The following DOCK5 variants were observed in gnomAD, a reference collection of about 807,000 sequenced individuals.
The protein encoded by DOCK5 is dedicator of cytokinesis protein 5.
In DOCK5, 142 loss-of-function variants were observed where a neutral mutation model predicts 251.8. The observed-to-expected ratio is 0.56, with a 90% CI of 0.49 to 0.65. DOCK5 has a LOEUF of 0.65. Ranked by LOEUF, DOCK5 falls within the 30% of genes least tolerant of loss-of-function variation. The pLI is 0.00. For missense variants in DOCK5, 2,111 were observed against 2,312.3 expected (o/e 0.91, Z 1.79); for synonymous variants, 842 against 835.5 (o/e 1.01, Z -0.13).
intron 46 of DOCK5, among the ~76,000 whole-genome samples, chr8:25,400,248 C>T (rs1386467999): frequency 1.3e-5 from 2 of 152,102 alleles, no homozygotes; most frequent in Non-Finnish European, 2.9e-5. Flanking sequence ...CCTGTAATCC[C>T]AGCACTTTGG....
At chr8:25,228,981 A>T (rs1297822390) in intron 1 of DOCK5, among the ~76,000 whole-genome samples, 8 of 151,886 alleles carry the variant, frequency 5.3e-5, no homozygotes, top group Non-Finnish European at 8.8e-5. Flanking sequence ...CTGTAATCCC[A>T]GCACTCGGGG....
At chr8:25,230,931 C>A (rs1563316976) in intron 1 of DOCK5, among the ~76,000 whole-genome samples, 2 of 152,094 alleles carry the variant, frequency 1.3e-5, no homozygotes, top group African/African-American at 4.8e-5. Flanking sequence ...ACCTACATAT[C>A]CCTGTCAAAT....
At chr8:25,275,576 T>G in intron 4 of DOCK5, 135 bp downstream of exon 4, 1 of 851,092 alleles carries the variant, frequency 1.2e-6, no homozygotes, top group Non-Finnish European at 1.8e-6. Flanking sequence ...GGCTCACGCC[T>G]GTAATCCCAG....
intron 5 of DOCK5, among the ~76,000 whole-genome samples, chr8:25,286,437 C>A (rs1039042568): frequency 6.6e-6 from 1 of 152,026 alleles, no homozygotes; most frequent in African/African-American, 2.4e-5. Flanking sequence ...TGTGAGTTTA[C>A]CCTAGAGGGA....
chr8:25,230,098 A>G (rs968936432), intron 1 of DOCK5, among the ~76,000 whole-genome samples: 8 of 152,340 alleles, frequency 5.3e-5, no homozygotes, highest in African/African-American at 1.7e-4. Flanking sequence ...AGCTGGTGTG[A>G]TTAAATATTA....
chr8:25,255,663 A>G (rs1370512331), intron 2 of DOCK5, among the ~76,000 whole-genome samples: 3 of 152,186 alleles, frequency 2.0e-5, no homozygotes, highest in Non-Finnish European at 2.9e-5. Flanking sequence ...GTGGACCCCA[A>G]TGTAACCTAT....
intron 2 of DOCK5, 67 bp downstream of exon 2, chr8:25,243,824 G>A (rs1803024450): frequency 1.4e-6 from 2 of 1,456,404 alleles, no homozygotes; most frequent in Admixed American, 1.9e-5. Context: ...TTATTAAAAA[G>A]GCACTTAGAG....
chr8:25,279,729 C>T (rs1320109758), intron 5 of DOCK5, among the ~76,000 whole-genome samples: 2 of 152,114 alleles, frequency 1.3e-5, no homozygotes, highest in African/African-American at 2.4e-5. Context: ...GCAATTCTGC[C>T]TCAGCCTCCC....
At position 25,368,621 on chromosome 8, in the gene DOCK5, G is replaced by A. The variant is rs773508394; in HGVS notation, c.3334G>A (p.Val1112Ile). The A allele has an allele frequency of 1.9e-6, 3 of 1,613,448 alleles. No homozygotes were observed. The Admixed American group carries it at 5.0e-5, about 27-fold the overall frequency. Residue 1112 changes from valine to isoleucine, a missense_variant, in exon 33 of 52, where the codon GTC (valine) becomes ATC (isoleucine). Val to Ile is a conservative substitution (Grantham distance 29). Transcript: ENST00000276440. ...ATCCATGGTGGGTCCCATTCTGGAG[G>A]TCACTCTGACCCCTGAAGTAGAGCT... Reference protein sequence around the residue: ...IPSMVGPILEVTLTPEVELRK... With the variant: ...IPSMVGPILEITLTPEVELRK...
At chr8:25,272,862 A>G (rs763086995) in intron 3 of DOCK5, among the ~76,000 whole-genome samples, 1 of 151,954 alleles carries the variant, frequency 6.6e-6, no homozygotes, top group African/African-American at 2.4e-5. Flanking sequence ...CTAACTTCCT[A>G]TTGTTCCCTA....
chr8:25,391,717 G>A (rs1801262512), intron 42 of DOCK5, among the ~76,000 whole-genome samples, 179 bp from the exon 43 acceptor site: 1 of 152,186 alleles, frequency 6.6e-6, no homozygotes, highest in Admixed American at 6.5e-5. Context: ...AAAGTAAGGT[G>A]TGAAATAAAA....
At chr8:25,271,041 G>A (rs886649755) in intron 3 of DOCK5, 4 of 430,936 alleles carry the variant, frequency 9.3e-6, no homozygotes, top group African/African-American at 8.0e-5. Context: ...TCATCAGTTG[G>A]TTGAACCCAT....
chr8:25,231,988 G>A (rs956137877), intron 1 of DOCK5, among the ~76,000 whole-genome samples: 5 of 152,100 alleles, frequency 3.3e-5, no homozygotes, highest in Non-Finnish European at 5.9e-5. Context: ...GTTATTTAGA[G>A]GTGTGTGTTT....
chr8:25,297,900 T>G (rs1804658858), intron 7 of DOCK5, among the ~76,000 whole-genome samples: 1 of 151,710 alleles, frequency 6.6e-6, no homozygotes, highest in African/African-American at 2.4e-5. Flanking sequence ...AAAAAATTTT[T>G]TAAAAAATTA....
At chr8:25,253,016 G>A (rs1354700395) in intron 2 of DOCK5, among the ~76,000 whole-genome samples, 1 of 152,168 alleles carries the variant, frequency 6.6e-6, no homozygotes, top group Non-Finnish European at 1.5e-5. Context: ...TAGAGACGTG[G>A]TTTTGCCATG....
chr8:25,277,971 A>G (rs552081000), intron 4 of DOCK5, among the ~76,000 whole-genome samples: 1 of 152,298 alleles, frequency 6.6e-6, no homozygotes, highest in Non-Finnish European at 1.5e-5. Flanking sequence ...GATTTCTGTG[A>G]ATAAATGTAG....
In DOCK5 at chr8:25,268,830, C is replaced by A; in HGVS notation, c.128-15C>A. 6.4e-7 allele frequency: 1 copy of A among 1,570,520 alleles called. No homozygotes were observed. Among genetic ancestry groups the A allele is most frequent in the Non-Finnish European group, 8.6e-7 (1 of 1,158,312 alleles). On this transcript the variant is annotated splice_polypyrimidine_tract_variant and intron_variant, in intron 2 of 51. Coordinates refer to ENST00000276440, the MANE Select transcript of DOCK5 (RefSeq NM_024940.8). ...GAAAACATAAAATATTTTGTGTTCT[C>A]TTTTGCTCTGACAGGTTGGTACAGA...
chr8:25,284,405 C>T (rs1804279103), intron 5 of DOCK5, among the ~76,000 whole-genome samples: 1 of 152,180 alleles, frequency 6.6e-6, no homozygotes, highest in South Asian at 2.1e-4. Context: ...TGACGTTTGC[C>T]TTGAGGTCAT....
intron 36 of DOCK5, 24 bp downstream of exon 36, chr8:25,373,682 T>C (rs1800914718): frequency 6.4e-7 from 1 of 1,574,146 alleles, no homozygotes; most frequent in Non-Finnish European, 8.6e-7. Flanking sequence ...AATTTCTTGC[T>C]TCTGCTGTTT....
Sources: gnomAD v4.1 joint callset for allele counts (sites outside exome capture counted in the v4.1 genomes callset) on GRCh38, gnomAD v4.1.1 for gene constraint, MANE v1.5 for transcripts, NCBI Gene and HGNC (gene_info 2026-07-23, HGNC 2026-07-21) for gene names.